The following GRIK2 variants were observed in gnomAD, a reference collection of about 807,000 sequenced individuals.
GRIK2 encodes the protein glutamate ionotropic receptor kainate type subunit 2.
In GRIK2, 32 loss-of-function variants were observed where a neutral mutation model predicts 100.3. The observed-to-expected ratio is 0.32, with a 90% confidence interval of 0.24 to 0.43. The LOEUF is 0.43. Ranked by LOEUF, GRIK2 falls within the 20% of genes least tolerant of loss-of-function variation. The probability of loss-of-function intolerance (pLI) is 1.00; values close to 1 mark genes in which losing one functional copy is unlikely to be tolerated. For synonymous variants in GRIK2, 417 were observed against 389.4 expected, an observed-to-expected ratio of 1.07 and a Z score of -0.83; for missense variants, 843 against 1,114.9, an observed-to-expected ratio of 0.76 and a Z score of 3.47.
intron 14 of GRIK2, among the ~76,000 whole-genome samples, chr6:101,990,848 A>C (rs1190974457): frequency 6.7e-6 from 1 of 150,222 alleles, no homozygotes; most frequent in East Asian, 2.0e-4. Context: ...AATTTTTTTG[A>C]CCTTCCTTAG....
chr6:101,937,902 G>A, intron 14 of GRIK2, among the ~76,000 whole-genome samples: 1 of 152,092 alleles, frequency 6.6e-6, no homozygotes, highest in East Asian at 1.9e-4. Context: ...ATCCTTGGCA[G>A]TTTAATGGTC....
chr6:101,799,587 C>T (rs966013422), intron 7 of GRIK2, 61 bp from the exon 8 acceptor site: 8 of 1,360,210 alleles, frequency 5.9e-6, no homozygotes, highest in African/African-American at 5.7e-5. Flanking sequence ...CCTTGCAAAC[C>T]ATCTACCACA....
At chr6:101,659,300 G>C (rs865837101) in intron 4 of GRIK2, among the ~76,000 whole-genome samples, 3 of 152,032 alleles carry the variant, frequency 2.0e-5, no homozygotes, top group Non-Finnish European at 4.4e-5. Context: ...TTTTTGTCAG[G>C]TTTGTCCAGA....
At chr6:101,765,720 G>A (rs954707028) in intron 7 of GRIK2, among the ~76,000 whole-genome samples, 4 of 152,030 alleles carry the variant, frequency 2.6e-5, no homozygotes, top group Middle Eastern at 3.2e-3. Flanking sequence ...CCCTCTCCAC[G>A]AAGCGGAAAT....
intron 2 of GRIK2, among the ~76,000 whole-genome samples, chr6:101,491,910 CAT>C (rs3057455): frequency 6.0e-5 from 9 of 150,832 alleles, no homozygotes; most frequent in East Asian, 5.8e-4. Flanking sequence ...TGTGTGTATA[CAT>C]ATATATATAT....
At chr6:101,981,020 A>G (rs922759686) in intron 14 of GRIK2, among the ~76,000 whole-genome samples, 1 of 151,020 alleles carries the variant, frequency 6.6e-6, no homozygotes, top group African/African-American at 2.4e-5. Flanking sequence ...AGGCAACAGA[A>G]TTCCACTTAA....
At chr6:101,508,652 T>A (rs2128277053) in intron 2 of GRIK2, among the ~76,000 whole-genome samples, 1 of 152,280 alleles carries the variant, frequency 6.6e-6, no homozygotes, top group Non-Finnish European at 1.5e-5. Flanking sequence ...TACAGAGAAA[T>A]CTTTATGCTT....
chr6:101,790,078 G>T (rs975708110), intron 7 of GRIK2, among the ~76,000 whole-genome samples: 1 of 152,208 alleles, frequency 6.6e-6, no homozygotes, highest in African/African-American at 2.4e-5. Flanking sequence ...CTTTGCTGAA[G>T]TTGCTTAACA....
intron 7 of GRIK2, among the ~76,000 whole-genome samples, chr6:101,773,502 A>C (rs973762889): frequency 2.6e-4 from 40 of 151,828 alleles, no homozygotes; most frequent in Admixed American, 2.6e-3. Context: ...AAGGAAAAAA[A>C]AAACTAGTGA....
intron 2 of GRIK2, among the ~76,000 whole-genome samples, chr6:101,543,971 A>C (rs2128289651): frequency 6.6e-6 from 1 of 152,144 alleles, no homozygotes; most frequent in Middle Eastern, 3.4e-3. Context: ...AATATAGCAG[A>C]AGAAGTGCTG....
chr6:101,511,936 G>C (rs765833753), intron 2 of GRIK2, among the ~76,000 whole-genome samples: 4 of 152,000 alleles, frequency 2.6e-5, no homozygotes, highest in South Asian at 2.1e-4. Context: ...GTAAAGCAGA[G>C]CTAGTGAGAT....
At chr6:102,018,651 T>G (rs1769259020) in intron 14 of GRIK2, among the ~76,000 whole-genome samples, 1 of 152,076 alleles carries the variant, frequency 6.6e-6, no homozygotes, top group Non-Finnish European at 1.5e-5. Flanking sequence ...GTTCTCTATA[T>G]CCACCTATCT....
chr6:101,705,480 T>C (rs930761554), intron 7 of GRIK2, among the ~76,000 whole-genome samples: 4 of 151,824 alleles, frequency 2.6e-5, no homozygotes, highest in African/African-American at 7.2e-5. Flanking sequence ...GTATTGAACT[T>C]CACTGGTCAT....
chr6:101,960,469 T>TTTTAATTTAC (rs1305664709), intron 14 of GRIK2, among the ~76,000 whole-genome samples: 11 of 152,166 alleles, frequency 7.2e-5, no homozygotes, highest in Non-Finnish European at 1.5e-4. Context: ...GTCATTTATT[T>TTTTAATTTAC]TTTAATTTAC....
chr6:101,462,574 A>G (rs1224211781), intron 2 of GRIK2, among the ~76,000 whole-genome samples: 2 of 152,078 alleles, frequency 1.3e-5, no homozygotes, highest in African/African-American at 4.8e-5. Flanking sequence ...ACATCTTAAA[A>G]ATTAGATTTC....
intron 7 of GRIK2, among the ~76,000 whole-genome samples, chr6:101,792,623 C>G (rs959436697): frequency 6.6e-6 from 1 of 152,152 alleles, no homozygotes; most frequent in Non-Finnish European, 1.5e-5. Flanking sequence ...CGACCTTTCT[C>G]TCTGGCTGCC....
intron 14 of GRIK2, among the ~76,000 whole-genome samples, chr6:102,024,955 A>G (rs1049571274): frequency 6.7e-6 from 1 of 149,738 alleles, no homozygotes; most frequent in Non-Finnish European, 1.5e-5. Flanking sequence ...ATAAATAAAA[A>G]TAAAAAACAA....
chr6:101,889,587 T>G, intron 11 of GRIK2, 53 bp from the exon 12 acceptor site: 1 of 1,032,000 alleles, frequency 9.7e-7, no homozygotes, highest in Non-Finnish European at 1.4e-6. Context: ...AATCAATTTT[T>G]TCTCTCTTTC....
At chr6:102,064,050 T>G (rs1446886524) in intron 16 of GRIK2, 4 of 1,266,146 alleles carry the variant, frequency 3.2e-6, no homozygotes, top group Middle Eastern at 1.9e-4. Flanking sequence ...TTAATAATGG[T>G]TAGTATCCTT....
Sources: gnomAD v4.1 joint callset for allele counts (sites outside exome capture counted in the v4.1 genomes callset) on GRCh38, gnomAD v4.1.1 for gene constraint, MANE v1.5 for transcripts, NCBI Gene and HGNC (gene_info 2026-07-23, HGNC 2026-07-21) for gene names.